Variants in AKT3 observed in about 807,000 individuals in gnomAD.
The protein encoded by AKT3 is AKT serine/threonine kinase 3, also known as RAC-gamma serine/threonine-protein kinase.
A neutral mutation model predicts 65.3 loss-of-function variants in AKT3; 15 were observed. The ratio of observed to expected loss-of-function variants is 0.23; its 90% CI spans 0.15 to 0.35. The LOEUF is 0.35. Ranked by LOEUF, AKT3 falls within the 10% of genes least tolerant of loss-of-function variation. The probability of loss-of-function intolerance (pLI) is 1.00; values close to 1 mark genes in which losing one functional copy is unlikely to be tolerated. For synonymous variants in AKT3, 206 were observed against 183.8 expected, an observed-to-expected ratio of 1.12 and a Z score of -0.98; for missense variants, 243 against 576.5, an observed-to-expected ratio of 0.42 and a Z score of 5.92.
intron 2 of AKT3, among the ~76,000 whole-genome samples, chr1:243,730,519 C>G (rs1305744454): frequency 1.3e-5 from 2 of 152,204 alleles, no homozygotes; most frequent in African/African-American, 4.8e-5. Context: ...AGTGACACTT[C>G]TGGGGGCCGA....
At chr1:243,518,787 C>A (rs1235094812) in intron 12 of AKT3, among the ~76,000 whole-genome samples, 1 of 152,110 alleles carries the variant, frequency 6.6e-6, no homozygotes, top group Non-Finnish European at 1.5e-5. Context: ...AAACCATGCA[C>A]AGATTTCAAA....
In AKT3 at chr1:243,583,333, G is replaced by A. The variant is rs188455055; in HGVS notation, c.697-10285C>T. On this transcript the variant is annotated intron_variant, in intron 8 of 13. Transcript: ENST00000673466. Reference sequence around the variant, plus strand: ...ACATAGACAGCAACACAATAATAGTGGGGGACTTCAACACCCTACTAGCAT... The same window carrying A: ...ACATAGACAGCAACACAATAATAGTAGGGGACTTCAACACCCTACTAGCAT... Among the ~76,000 whole-genome samples, 6 of 149,666 alleles carry A rather than the reference G, an allele frequency of 4.0e-5. No individual in the cohort carries two copies. In the East Asian group the frequency reaches 5.9e-4, roughly 15 times the overall value.
intron 2 of AKT3, among the ~76,000 whole-genome samples, chr1:243,827,035 T>C (rs1694211699): frequency 9.4e-6 from 1 of 106,652 alleles, no homozygotes; most frequent in African/African-American, 2.5e-5. Context: ...TACAAAATAA[T>C]ATAAGGAAGG....
At chr1:243,827,616 T>A (rs910713948) in intron 2 of AKT3, among the ~76,000 whole-genome samples, 1 of 152,178 alleles carries the variant, frequency 6.6e-6, no homozygotes, top group African/African-American at 2.4e-5. Flanking sequence ...TTTTTAATCA[T>A]AAAGTTTAAC....
chr1:243,801,282 T>C (rs192454524), intron 2 of AKT3, among the ~76,000 whole-genome samples: 2 of 152,254 alleles, frequency 1.3e-5, no homozygotes, highest in East Asian at 1.9e-4. Context: ...ATGAGAGATA[T>C]GGAGATTGTA....
intron 2 of AKT3, among the ~76,000 whole-genome samples, chr1:243,767,033 TTTTAATAAGTACCTGGAA>T (rs1202463352): frequency 1.3e-5 from 2 of 152,196 alleles, no homozygotes; most frequent in African/African-American, 4.8e-5. Context: ...TGATTTGTTA[TTTTAATAAGTACCTGGAA>T]TTCACTGATA....
intron 2 of AKT3, among the ~76,000 whole-genome samples, chr1:243,748,012 C>T (rs1688583971): frequency 6.6e-6 from 1 of 152,126 alleles, no homozygotes; most frequent in Non-Finnish European, 1.5e-5. Context: ...CCCAACGGTT[C>T]TAGCAATGCT....
chr1:243,837,151 G>T (rs1320610430), intron 2 of AKT3, among the ~76,000 whole-genome samples: 1 of 151,836 alleles, frequency 6.6e-6, no homozygotes, highest in African/African-American at 2.4e-5. Context: ...GCAAATCTTG[G>T]CTCTACTAAA....
chr1:243,642,991 T>G (rs1045485503), intron 5 of AKT3, among the ~76,000 whole-genome samples: 1 of 152,148 alleles, frequency 6.6e-6, no homozygotes, highest in Non-Finnish European at 1.5e-5. Context: ...GGAAAAGAGC[T>G]CTGACGAAGT....
At chr1:243,616,611 A>C (rs1678344108) in intron 6 of AKT3, among the ~76,000 whole-genome samples, 1 of 152,228 alleles carries the variant, frequency 6.6e-6, no homozygotes, top group Non-Finnish European at 1.5e-5. Flanking sequence ...GCCCTTGCTG[A>C]ATCAATTTCT....
chr1:243,533,591 T>C (rs1671695654), intron 12 of AKT3, among the ~76,000 whole-genome samples: 1 of 152,166 alleles, frequency 6.6e-6, no homozygotes, highest in Non-Finnish European at 1.5e-5. Context: ...TAATATGTTA[T>C]GAGAGGGAAA....
At chr1:243,709,132 T>G (rs1471188119) in intron 2 of AKT3, among the ~76,000 whole-genome samples, 2 of 151,696 alleles carry the variant, frequency 1.3e-5, no homozygotes, top group Admixed American at 6.6e-5. Flanking sequence ...ACTTACCCTA[T>G]ATAATCCAGT....
intron 8 of AKT3, among the ~76,000 whole-genome samples, chr1:243,598,637 C>T (rs1489135651): frequency 1.3e-5 from 2 of 152,092 alleles, no homozygotes; most frequent in Non-Finnish European, 2.9e-5. Context: ...ACAGCCGTGC[C>T]CTAAAGTCTC....
At chr1:243,662,798 A>G (rs1682469690) in intron 4 of AKT3, among the ~76,000 whole-genome samples, 2 of 152,312 alleles carry the variant, frequency 1.3e-5, no homozygotes, top group African/African-American at 4.8e-5. Context: ...ATAGAAATGC[A>G]CATACCAATG....
In AKT3 at chr1:243,504,583, C is replaced by T. The variant is rs190951746; in HGVS notation, c.*666G>A. 5.5e-6 allele frequency: 1 copy of T among 183,474 alleles called. No individual in the cohort carries two copies. Among genetic ancestry groups the T allele is most frequent in the Admixed American group, 6.3e-5 (1 of 15,968 alleles). 11.4% of individuals were successfully genotyped at this position (183,474 alleles called of 1,614,324 possible). ...ATTGCCCGTGAAGTCTCGACATCCACATGTGATATGGGCTTCTTCTACAGT... is the reference window on the plus strand; with the variant it reads ...ATTGCCCGTGAAGTCTCGACATCCATATGTGATATGGGCTTCTTCTACAGT... On this transcript the variant is annotated 3_prime_UTR_variant, in exon 14 of 14. Transcript: ENST00000673466.
chr1:243,819,835 T>C (rs1423591833), intron 2 of AKT3, among the ~76,000 whole-genome samples: 1 of 152,120 alleles, frequency 6.6e-6, no homozygotes, highest in Non-Finnish European at 1.5e-5. Flanking sequence ...TCTGGTGACA[T>C]CTCCAGGTGT....
chr1:243,605,500 A>C (rs1322237560), intron 8 of AKT3, among the ~76,000 whole-genome samples: 1 of 152,184 alleles, frequency 6.6e-6, no homozygotes, highest in Non-Finnish European at 1.5e-5. Context: ...TCCTAAGGTC[A>C]CTCTGTAAAT....
intron 2 of AKT3, among the ~76,000 whole-genome samples, chr1:243,726,952 A>C (rs2148130831): frequency 6.6e-6 from 1 of 152,366 alleles, no homozygotes; most frequent in Non-Finnish European, 1.5e-5. Flanking sequence ...CAGTGGCAAT[A>C]GGTGGCCTAG....
chr1:243,823,343 C>T (rs1693972937), intron 2 of AKT3, among the ~76,000 whole-genome samples: 1 of 152,096 alleles, frequency 6.6e-6, no homozygotes, highest in Non-Finnish European at 1.5e-5. Context: ...AAGCTGGAAA[C>T]ATTTCCCTTG....
Sources: gnomAD v4.1 joint callset for allele counts (sites outside exome capture counted in the v4.1 genomes callset) on GRCh38, gnomAD v4.1.1 for gene constraint, MANE v1.5 for transcripts, NCBI Gene and HGNC (gene_info 2026-07-23, HGNC 2026-07-21) for gene names.